Variants in RARB observed in about 807,000 individuals in gnomAD.
RARB encodes the protein HBV-activated protein.
Under a neutral mutation model 51.9 loss-of-function variants are expected in RARB, and 17 were observed. The ratio of observed to expected loss-of-function variants is 0.33; its 90% CI spans 0.22 to 0.49. RARB has a LOEUF of 0.49. Among genes scored for constraint, RARB ranks in the 20% least tolerant of loss-of-function variants. The pLI is 0.99. For missense variants in RARB, 369 were observed against 550.8 expected (o/e 0.67, Z 3.30); for synonymous variants, 215 against 195.4 (o/e 1.10, Z -0.84).
intron 3 of RARB, among the ~76,000 whole-genome samples, chr3:25,534,611 T>C (rs1699062064): frequency 6.6e-6 from 1 of 152,230 alleles, no homozygotes; most frequent in South Asian, 2.1e-4. Flanking sequence ...TTGCTGAACA[T>C]ACCTGTTTGG....
chr3:25,368,937 G>C (rs1706217586), intron 5 of RARB, among the ~76,000 whole-genome samples: 1 of 152,118 alleles, frequency 6.6e-6, no homozygotes, highest in Non-Finnish European at 1.5e-5. Flanking sequence ...CCACATCGTT[G>C]TTATATGCTC....
chr3:25,162,484 G>A (rs1016726383), intron 4 of RARB, among the ~76,000 whole-genome samples: 7 of 152,052 alleles, frequency 4.6e-5, no homozygotes, highest in Admixed American at 6.5e-5. Flanking sequence ...GTAGTTCTTC[G>A]TATATTCACA....
At chr3:24,832,551 A>C (rs2125326390) in intron 1 of RARB, among the ~76,000 whole-genome samples, 2 of 149,428 alleles carry the variant, frequency 1.3e-5, no homozygotes, top group East Asian at 4.0e-4. Context: ...ATTATTAATG[A>C]CCAGATATTG....
chr3:25,596,022 A>G (rs1223149532), intron 7 of RARB, among the ~76,000 whole-genome samples: 1 of 152,224 alleles, frequency 6.6e-6, no homozygotes, highest in African/African-American at 2.4e-5. Flanking sequence ...CATTGTTTGC[A>G]TAATTTTCTG....
intron 2 of RARB, among the ~76,000 whole-genome samples, chr3:25,037,030 A>G (rs1055863774): frequency 2.6e-5 from 4 of 152,198 alleles, no homozygotes; most frequent in Admixed American, 2.6e-4. Context: ...TGCTGGTTCC[A>G]AAAGAGTCAA....
chr3:25,222,011 G>A (rs962044698), intron 5 of RARB, among the ~76,000 whole-genome samples: 2 of 152,150 alleles, frequency 1.3e-5, no homozygotes, highest in South Asian at 2.1e-4. Context: ...TCTGAAGACG[G>A]AGCCCTCCTT....
At position 25,569,357 on chromosome 3, in the gene RARB, G is replaced by A. The variant is rs547184404; in HGVS notation, c.449-401G>A. 1.6e-4 allele frequency among the ~76,000 whole-genome samples: 24 copies of A among 152,240 alleles called. No homozygotes were observed. The South Asian group carries it at 3.7e-3, about 24-fold the overall frequency. Reference sequence around the variant, plus strand: ...TAGGAAATACTAATTATGAAGTAACGGGGCTTTGTTCAGAGACCTGACCCT... The same window carrying A: ...TAGGAAATACTAATTATGAAGTAACAGGGCTTTGTTCAGAGACCTGACCCT... On this transcript the variant is annotated intron_variant, in intron 3 of 7. Coordinates refer to ENST00000330688, the MANE Select transcript of RARB (RefSeq NM_000965.5).
intron 3 of RARB, among the ~76,000 whole-genome samples, chr3:25,522,283 C>T (rs1013676314): frequency 6.6e-6 from 1 of 152,032 alleles, no homozygotes; most frequent in African/African-American, 2.4e-5. Context: ...TTCTATGTCC[C>T]TTGCCAGTAA....
intron 5 of RARB, among the ~76,000 whole-genome samples, chr3:25,303,682 T>C (rs1342544025): frequency 6.6e-6 from 1 of 152,240 alleles, no homozygotes; most frequent in Non-Finnish European, 1.5e-5. Flanking sequence ...ATGTGTTATT[T>C]AGTTGCTCAG....
chr3:24,920,062 T>C (rs1337631164), intron 2 of RARB, among the ~76,000 whole-genome samples: 1 of 152,206 alleles, frequency 6.6e-6, no homozygotes, highest in Non-Finnish European at 1.5e-5. Context: ...GAGAATGAAT[T>C]TAAGATTATT....
intron 5 of RARB, among the ~76,000 whole-genome samples, chr3:25,381,083 T>C (rs1706610780): frequency 6.6e-6 from 1 of 152,206 alleles, no homozygotes; most frequent in Non-Finnish European, 1.5e-5. Flanking sequence ...TCTGCATTCC[T>C]TGTAAAATAA....
chr3:24,890,282 G>T (rs1023158258), intron 2 of RARB, among the ~76,000 whole-genome samples: 1 of 152,180 alleles, frequency 6.6e-6, no homozygotes, highest in African/African-American at 2.4e-5. Flanking sequence ...CTCAACCTGT[G>T]TGTATTTCTA....
At chr3:25,550,322 A>G (rs1426486723) in intron 3 of RARB, among the ~76,000 whole-genome samples, 1 of 152,192 alleles carries the variant, frequency 6.6e-6, no homozygotes, top group Non-Finnish European at 1.5e-5. Context: ...TGTAACAAAA[A>G]TACCATAGAC....
intron 2 of RARB, among the ~76,000 whole-genome samples, chr3:25,017,526 G>T (rs1454534453): frequency 6.6e-6 from 1 of 152,116 alleles, no homozygotes; most frequent in Non-Finnish European, 1.5e-5. Context: ...ATGTTCTAAG[G>T]AAGCAGTACA....
rs141357111 is a variant in RARB at position 25,574,903 on chromosome 3, A to C, written c.609+4985A>C. 3.2e-3 allele frequency among the ~76,000 whole-genome samples: 480 copies of C among 152,228 alleles called. 2 individuals are homozygous for C. Among genetic ancestry groups the C allele is most frequent in the African/African-American group, 0.011 (459 of 41,564 alleles). ...GGAGAGATGCATCAGGAGGGATAGAAGGTCAGTGGGGGCCACGAAACCCGA... is the reference window on the plus strand; with the variant it reads ...GGAGAGATGCATCAGGAGGGATAGACGGTCAGTGGGGGCCACGAAACCCGA... On this transcript the variant is annotated intron_variant, in intron 4 of 7. Coordinates refer to ENST00000330688, the MANE Select transcript of RARB (RefSeq NM_000965.5).
intron 2 of RARB, among the ~76,000 whole-genome samples, chr3:25,023,128 C>G (rs368360855): frequency 6.6e-6 from 1 of 152,100 alleles, no homozygotes; most frequent in East Asian, 1.9e-4. Flanking sequence ...AAGGAGTCCC[C>G]TTTCTGTGGC....
chr3:25,088,795 G>C (rs913996050), intron 3 of RARB, among the ~76,000 whole-genome samples: 1 of 152,000 alleles, frequency 6.6e-6, no homozygotes, highest in Non-Finnish European at 1.5e-5. Context: ...TTGAAAAGCC[G>C]CTCCCAGAGT....
intron 2 of RARB, among the ~76,000 whole-genome samples, chr3:25,055,655 G>A (rs1429277523): frequency 1.3e-5 from 2 of 152,042 alleles, no homozygotes; most frequent in African/African-American, 2.4e-5. Flanking sequence ...GAATTGGGGA[G>A]GAGTGGGACT....
chr3:24,987,753 T>C (rs1696825722), intron 2 of RARB, among the ~76,000 whole-genome samples: 1 of 152,212 alleles, frequency 6.6e-6, no homozygotes, highest in African/African-American at 2.4e-5. Flanking sequence ...GGTAATGGAT[T>C]TGAGTTTTGG....
Sources: allele counts gnomAD v4.1 joint callset (sites outside exome capture counted in the v4.1 genomes callset), GRCh38; gene constraint gnomAD v4.1.1; transcripts MANE v1.5; gene names NCBI Gene and HGNC (gene_info 2026-07-23, HGNC 2026-07-21).